ALK: variants seen among roughly 807,000 people sequenced by gnomAD.
ALK encodes ALK receptor tyrosine kinase, also known as ALK tyrosine kinase receptor.
Under a neutral mutation model 163.1 loss-of-function variants are expected in ALK, and 74 were observed. That is an observed-to-expected ratio of 0.45 (90% CI 0.38 to 0.55). The LOEUF is 0.55. ALK is among the 20% of genes least tolerant of loss of function. The pLI is 0.00. For missense variants in ALK, 2,063 were observed against 2,105.3 expected, an observed-to-expected ratio of 0.98 and a Z score of 0.39; for synonymous variants, 960 against 843.2, an observed-to-expected ratio of 1.14 and a Z score of -2.40.
intron 5 of ALK, among the ~76,000 whole-genome samples, chr2:29,375,321 T>G (rs1212764540): frequency 2.0e-5 from 3 of 152,110 alleles, no homozygotes; most frequent in Non-Finnish European, 4.4e-5. Context: ...ATTTTTATTT[T>G]TATTTATTTA....
intron 5 of ALK, among the ~76,000 whole-genome samples, chr2:29,343,204 TA>T (rs35687808): frequency 0.35 from 50,226 of 142,192 alleles, 10,554 homozygotes; most frequent in East Asian, 0.74. Context: ...TTTTAAAATT[TA>T]AAAATTTTTT....
intron 4 of ALK, among the ~76,000 whole-genome samples, chr2:29,491,783 G>A (rs768461427): frequency 1.3e-5 from 2 of 152,172 alleles, no homozygotes; most frequent in Non-Finnish European, 2.9e-5. Context: ...AGTGACTAAA[G>A]GGGCAGGGAG....
At chr2:29,798,816 G>C (rs10432709) in intron 1 of ALK, among the ~76,000 whole-genome samples, 87,528 of 152,004 alleles carry the variant, frequency 0.58, 30,334 homozygotes, top group Non-Finnish European at 0.78. Context: ...GACTCTGACC[G>C]TTCTGGAGAA....
At chr2:29,366,289 A>G (rs966920765) in intron 5 of ALK, among the ~76,000 whole-genome samples, 4 of 152,080 alleles carry the variant, frequency 2.6e-5, no homozygotes, top group Non-Finnish European at 5.9e-5. Context: ...CAGGAGCAAC[A>G]AGGTGGGTGC....
intron 1 of ALK, among the ~76,000 whole-genome samples, chr2:29,846,281 C>T (rs767199646): frequency 6.6e-6 from 1 of 152,220 alleles, no homozygotes; most frequent in Non-Finnish European, 1.5e-5. Context: ...CCAGTTCACG[C>T]TGACTGGCTC....
intron 1 of ALK, among the ~76,000 whole-genome samples, chr2:29,735,943 A>C (rs1455730287): frequency 6.6e-6 from 1 of 152,008 alleles, no homozygotes; most frequent in Non-Finnish European, 1.5e-5. Flanking sequence ...TAATACACTT[A>C]CAAAAACCTT....
chr2:29,883,554 C>T (rs1666917119), intron 1 of ALK, among the ~76,000 whole-genome samples: 4 of 152,212 alleles, frequency 2.6e-5, no homozygotes, highest in East Asian at 3.8e-4. Flanking sequence ...TAACACCAGG[C>T]TCACAGGGGC....
chr2:29,893,795 A>G lies in ALK; in HGVS notation c.667+26198T>C, dbSNP rs138706630. 4.8e-3 allele frequency among the ~76,000 whole-genome samples: 730 copies of G among 152,268 alleles called. 8 individuals are homozygous for G. The highest frequency in any genetic ancestry group is 0.017 in the African/African-American group (698 of 41,536). ...TGAATTTCAAGAACAGTGGCTCAAG[A>G]AGTTTCTTCTATGGGGAAAAGCATG... is the stretch of plus-strand genomic sequence containing the variant. On this transcript the variant is annotated intron_variant, in intron 1 of 28. Coordinates refer to ENST00000389048, the MANE Select transcript of ALK (RefSeq NM_004304.5).
intron 4 of ALK, among the ~76,000 whole-genome samples, chr2:29,417,288 A>G (rs1264967792): frequency 1.3e-5 from 2 of 152,208 alleles, no homozygotes; most frequent in African/African-American, 4.8e-5. Flanking sequence ...GAAGCATTTT[A>G]AACATTCAAG....
At chr2:29,503,750 A>G (rs780270108) in intron 4 of ALK, among the ~76,000 whole-genome samples, 19 of 152,120 alleles carry the variant, frequency 1.2e-4, no homozygotes, top group Non-Finnish European at 2.5e-4. Context: ...GAGGCGTGGC[A>G]GAAGGAACAC....
chr2:29,601,131 A>C (rs1229448161), intron 3 of ALK, among the ~76,000 whole-genome samples: 1 of 152,252 alleles, frequency 6.6e-6, no homozygotes, highest in Non-Finnish European at 1.5e-5. Context: ...AAGAAGTTTC[A>C]AACTAGCCAA....
intron 4 of ALK, among the ~76,000 whole-genome samples, chr2:29,439,407 T>A (rs1357271599): frequency 2.0e-5 from 3 of 152,140 alleles, no homozygotes; most frequent in African/African-American, 4.8e-5. Context: ...AATATAAATG[T>A]ATAAAACCAT....
At chr2:29,265,439 C>G (rs1055799909) in intron 11 of ALK, among the ~76,000 whole-genome samples, 4 of 152,124 alleles carry the variant, frequency 2.6e-5, no homozygotes, top group African/African-American at 9.7e-5. Flanking sequence ...AGTAGGATCA[C>G]GATCATAAAG....
intron 3 of ALK, among the ~76,000 whole-genome samples, chr2:29,682,115 C>T (rs573216545): frequency 3.3e-5 from 5 of 152,258 alleles, no homozygotes; most frequent in African/African-American, 1.2e-4. Flanking sequence ...TCTGCCTATT[C>T]TGTTTCCAGA....
chr2:29,421,235 A>G (rs572050445), intron 4 of ALK, among the ~76,000 whole-genome samples: 21 of 151,716 alleles, frequency 1.4e-4, no homozygotes, highest in Non-Finnish European at 2.9e-4. Flanking sequence ...GAGTGCAGGC[A>G]GGAGGCCGCC....
intron 1 of ALK, among the ~76,000 whole-genome samples, chr2:29,829,456 G>A (rs1296057159): frequency 6.6e-6 from 1 of 152,138 alleles, no homozygotes; most frequent in African/African-American, 2.4e-5. Context: ...CCAGGTGGTT[G>A]TTTGTAAGAG....
intron 3 of ALK, among the ~76,000 whole-genome samples, chr2:29,603,670 T>G (rs1468601304): frequency 6.6e-6 from 1 of 152,022 alleles, no homozygotes; most frequent in African/African-American, 2.4e-5. Flanking sequence ...CAGAATTTTG[T>G]TTTTGGTTTA....
intron 4 of ALK, among the ~76,000 whole-genome samples, chr2:29,483,443 A>T (rs537571367): frequency 2.0e-4 from 30 of 152,338 alleles, no homozygotes; most frequent in African/African-American, 6.3e-4. Flanking sequence ...AGTAGGCGGT[A>T]TCTCCTGGGA....
intron 5 of ALK, among the ~76,000 whole-genome samples, chr2:29,343,462 G>C (rs1233961799): frequency 6.6e-6 from 1 of 151,764 alleles, no homozygotes; most frequent in African/African-American, 2.4e-5. Flanking sequence ...CAATCCTCCT[G>C]CTTTAGCCTC....
Sources: allele counts gnomAD v4.1 joint callset (sites outside exome capture counted in the v4.1 genomes callset), GRCh38; gene constraint gnomAD v4.1.1; transcripts MANE v1.5; gene names NCBI Gene and HGNC (gene_info 2026-07-23, HGNC 2026-07-21).